The following EXOSC9 variants were observed in gnomAD, a reference collection of about 807,000 sequenced individuals.
EXOSC9 encodes the protein exosome component 9.
EXOSC9 carries 38 observed loss-of-function variants against 56.5 expected under a neutral mutation model. The ratio of observed to expected loss-of-function variants is 0.67; its 90% CI spans 0.52 to 0.88. The LOEUF (loss-of-function observed/expected upper bound fraction) is 0.88, where lower values mean the gene tolerates loss of function less well. Ranked by LOEUF, EXOSC9 falls within the 40% of genes least tolerant of loss-of-function variation. The probability of loss-of-function intolerance (pLI) is 0.00; values close to 1 mark genes in which losing one functional copy is unlikely to be tolerated. For missense variants in EXOSC9, 559 were observed against 530.5 expected (o/e 1.05, Z -0.53); for synonymous variants, 170 against 170.8 (o/e 0.99, Z 0.04).
intron 10 of EXOSC9, chr4:121,815,899 CAA>C: frequency 5.9e-6 from 7 of 1,182,728 alleles, no homozygotes; most frequent in Non-Finnish European, 7.3e-6. Flanking sequence ...TTTAAAGAAA[CAA>C]ATGTTACAGA....
chr4:121,816,589 AT>A, intron 11 of EXOSC9, 142 bp downstream of exon 11: 1 of 821,220 alleles, frequency 1.2e-6, no homozygotes, highest in Non-Finnish European at 1.8e-6. Context: ...CTGTTCTGTG[AT>A]TTTTTTACCT....
At chr4:121,804,091 C>G (rs1726948039) in intron 4 of EXOSC9, among the ~76,000 whole-genome samples, 1 of 152,014 alleles carries the variant, frequency 6.6e-6, no homozygotes, top group African/African-American at 2.4e-5. Flanking sequence ...ATCTTAAACT[C>G]CTGGGCTCAA....
rs1507987 is a variant in EXOSC9 at position 121,816,718 on chromosome 4, A to G, written c.1236-54A>G. 0.02 allele frequency: 29,982 copies of G among 1,496,656 alleles called. 2,234 individuals carry two copies. The highest frequency in any genetic ancestry group is 0.19 in the African/African-American group (13,299 of 69,702). The allele number at this position is 1,496,656 out of a possible 1,614,324, so 92.7% of individuals were successfully genotyped here. On this transcript the variant is annotated intron_variant, in intron 11 of 11. Transcript: ENST00000243498. Reference sequence around the variant, plus strand: ...AAACTAAGAAATGCCTCTTATTTCAATAATCCAAAACTTAACATACTCTTA... The same window carrying G: ...AAACTAAGAAATGCCTCTTATTTCAGTAATCCAAAACTTAACATACTCTTA...
chr4:121,814,667 T>C (rs1009362714), intron 10 of EXOSC9: 1 of 152,200 alleles, frequency 6.6e-6, no homozygotes, highest in African/African-American at 2.4e-5. Context: ...CTTGTGTTAC[T>C]GAGAACTGAA....
chr4:121,816,412 C>A lies in EXOSC9; in HGVS notation c.1200C>A (p.Ile400=), dbSNP rs1188430363. 1 of 1,575,850 alleles carries A rather than the reference C, an allele frequency of 6.3e-7. No individual in the cohort carries two copies. Among genetic ancestry groups the A allele is most frequent in the South Asian group, 1.2e-5 (1 of 85,202 alleles). Residue 400 remains isoleucine (I), a synonymous_variant, in exon 11 of 12, where the codon ATC becomes ATA. Transcript: ENST00000243498. The part of the protein sequence containing the change: ...ILSDSEEEEM[I]ILEPDKNPKK... ...CAGATAGTGAAGAAGAAGAAATGAT[C>A]ATTTTGGAACCAGACAAGAATCCAA...
Position 121,802,987 on chromosome 4 carries a change from T to G in EXOSC9, c.354T>G (p.Thr118=). The change falls in exon 4 of 12, where the codon ACT becomes ACG. Residue 118 remains threonine (T), a synonymous_variant. Transcript: ENST00000243498. ...RCLRNSKCID[T]ESLCVVAGEK... is the part of the protein sequence containing the mutation. ...TAAGAAATTCGAAGTGTATAGACAC[T>G]GAGTCTCTCTGTGTTGTTGCTGGTG... is the stretch of plus-strand genomic sequence containing the variant. 5 of 1,612,634 alleles carry G rather than the reference T, an allele frequency of 3.1e-6. No individual in the cohort carries two copies. Among genetic ancestry groups the G allele is most frequent in the Non-Finnish European group, 4.2e-6 (5 of 1,178,620 alleles).
Position 121,813,326 on chromosome 4 carries a change from A to T in EXOSC9, c.920A>T (p.Asp307Val), listed in dbSNP as rs979894679. The T allele has an allele frequency of 2.5e-6, 4 of 1,613,630 alleles. No individual in the cohort carries two copies. Among genetic ancestry groups the T allele is most frequent in the Non-Finnish European group, 3.4e-6 (4 of 1,179,710 alleles). The change falls in exon 9 of 12, where the codon GAT becomes GTT. Residue 307 changes from aspartate (D) to valine (V), a missense_variant. By Grantham distance (152) the Asp-to-Val change is radical (BLOSUM62 -3). Transcript: ENST00000243498. ...KMEKAPIDTS[D>V]VEEKAEEIIA... ...GAAAAGGCCCCTATTGATACCTCGGATGTAGAAGAAAAAGCAGAAGAAATC... is the reference window on the plus strand; with the variant it reads ...GAAAAGGCCCCTATTGATACCTCGGTTGTAGAAGAAAAAGCAGAAGAAATC...
intron 10 of EXOSC9, 124 bp downstream of exon 10, chr4:121,814,171 C>CTAATATGCTAT: frequency 1.7e-6 from 1 of 593,704 alleles, no homozygotes; most frequent in Non-Finnish European, 2.9e-6. Context: ...TAATATATAG[C>CTAATATGCTAT]ATATTAGCTA....
At chr4:121,808,361 A>C (rs1310471355) in intron 6 of EXOSC9, among the ~76,000 whole-genome samples, 1 of 151,890 alleles carries the variant, frequency 6.6e-6, no homozygotes, top group Non-Finnish European at 1.5e-5. Context: ...TAATTTTCTT[A>C]TTTTCTTCTT....
In EXOSC9 at chr4:121,816,312, T is replaced by C. The variant is rs1724501836; in HGVS notation, c.1157-57T>C. On this transcript the variant is annotated intron_variant, in intron 10 of 11. Coordinates refer to ENST00000243498, the MANE Select transcript of EXOSC9 (RefSeq NM_005033.3). ...AGAAATAAATTCATGTAGAAATAAA[T>C]TTTGCAAGAGATTGCTTAACTTTTT... The C allele has an allele frequency of 3.0e-6, 3 of 991,590 alleles. No homozygotes were observed. In the African/African-American group the frequency reaches 5.2e-5, roughly 17 times the overall value. 61.4% of individuals were successfully genotyped at this position (991,590 alleles called of 1,614,324 possible).
rs114270435 is a variant in EXOSC9, at chr4:121,803,075, C to T, written c.384+58C>T. 4,529 of 1,168,898 alleles carry T rather than the reference C, an allele frequency of 3.9e-3. 130 individuals are homozygous for T. The South Asian group carries it at 0.046, about 12-fold the overall frequency. The allele number at this position is 1,168,898 out of a possible 1,614,324, so 72.4% of individuals were successfully genotyped here. ...GATGAATACTGTTGATCATGGATCC[C>T]GGTATCTATCCTTTTATTCTCAGAA... On this transcript the variant is annotated intron_variant, in intron 4 of 11. Transcript: ENST00000243498.
chr4:121,809,864 T>G (rs1254812358), intron 6 of EXOSC9, 103 bp from the exon 7 acceptor site: 1 of 1,336,850 alleles, frequency 7.5e-7, no homozygotes, highest in Admixed American at 1.7e-5. Context: ...AGACCTTTAT[T>G]CTCTGTTGAC....
At position 121,801,442 on chromosome 4, in the gene EXOSC9, C is replaced by T; in HGVS notation, c.18C>T (p.Leu6=). 1 of 1,614,222 alleles carries T rather than the reference C, an allele frequency of 6.2e-7. No individual in the cohort carries two copies. The highest frequency in any genetic ancestry group is 8.5e-7 in the Non-Finnish European group (1 of 1,180,038). ...CCAACACCATGAAGGAAACGCCACT[C>T]TCAAACTGCGAACGCCGCTTCCTAC... is the stretch of plus-strand genomic sequence containing the variant. MKETP[L]SNCERRFLLR... The change falls in exon 1 of 12, where the codon CTC becomes CTT. Residue 6 remains leucine, a synonymous_variant. Transcript: ENST00000243498.
intron 6 of EXOSC9, among the ~76,000 whole-genome samples, chr4:121,808,420 C>A (rs1039496518): frequency 6.6e-6 from 1 of 152,098 alleles, no homozygotes; most frequent in Non-Finnish European, 1.5e-5. Context: ...ATTTCAGCAG[C>A]GTGATTTTTG....
At chr4:121,816,080 C>G (rs1050087233) in intron 10 of EXOSC9, 1 of 704,182 alleles carries the variant, frequency 1.4e-6, no homozygotes, top group Non-Finnish European at 2.2e-6. Context: ...GCCTCAGCCT[C>G]GAGTAGCTGG....
At chr4:121,802,515 C>T (rs560524113) in intron 2 of EXOSC9, among the ~76,000 whole-genome samples, 159 bp from the exon 3 acceptor site, 1 of 152,056 alleles carries the variant, frequency 6.6e-6, no homozygotes, top group Non-Finnish European at 1.5e-5. Context: ...TGTTTTATTT[C>T]TGTGTATATT....
intron 9 of EXOSC9, 170 bp from the exon 10 acceptor site, chr4:121,813,696 T>C (rs1351503493): frequency 9.3e-6 from 5 of 535,880 alleles, no homozygotes; most frequent in Non-Finnish European, 1.3e-5. Context: ...CTGAGTTTTT[T>C]TTCTTCTTCA....
intron 1 of EXOSC9, 129 bp from the exon 2 acceptor site, chr4:121,801,696 ACT>A (rs1726870984): frequency 1.2e-6 from 1 of 847,162 alleles, no homozygotes; most frequent in Non-Finnish European, 2.0e-6. Flanking sequence ...TGTAGTTTCC[ACT>A]TTCCTGTATG....
intron 6 of EXOSC9, among the ~76,000 whole-genome samples, chr4:121,809,015 G>A (rs1560625168): frequency 6.6e-6 from 1 of 150,638 alleles, no homozygotes; most frequent in Non-Finnish European, 1.5e-5. Context: ...TTTTGTGACA[G>A]GGTCTCACTC....
Sources: allele counts gnomAD v4.1 joint callset (sites outside exome capture counted in the v4.1 genomes callset), GRCh38; gene constraint gnomAD v4.1.1; transcripts MANE v1.5; gene names NCBI Gene and HGNC (gene_info 2026-07-23, HGNC 2026-07-21).